The following PRKN variants were observed in gnomAD, a reference collection of about 807,000 sequenced individuals.
PRKN encodes parkin RBR E3 ubiquitin protein ligase.
Under a neutral mutation model 59.5 loss-of-function variants are expected in PRKN, and 56 were observed. The observed-to-expected ratio is 0.94, with a 90% CI of 0.76 to 1.18. The LOEUF is 1.18. PRKN is among the 50% of genes most tolerant of loss of function. The pLI is 0.00. For synonymous variants in PRKN, 250 were observed against 222.1 expected, an observed-to-expected ratio of 1.13 and a Z score of -1.12; for missense variants, 657 against 596.4, an observed-to-expected ratio of 1.10 and a Z score of -1.06.
At chr6:161,937,848 T>C (rs1269351441) in intron 6 of PRKN, among the ~76,000 whole-genome samples, 2 of 152,232 alleles carry the variant, frequency 1.3e-5, no homozygotes, top group Admixed American at 1.3e-4. Flanking sequence ...TTCTATCATG[T>C]ACAAGAATCT....
At chr6:162,564,616 T>C (rs934570956) in intron 1 of PRKN, among the ~76,000 whole-genome samples, 2 of 151,632 alleles carry the variant, frequency 1.3e-5, no homozygotes, top group African/African-American at 4.8e-5. Context: ...AGGAAAGAAA[T>C]AAATAACATA....
intron 7 of PRKN, among the ~76,000 whole-genome samples, chr6:161,694,401 A>G (rs1270755635): frequency 6.6e-6 from 1 of 152,202 alleles, no homozygotes; most frequent in African/African-American, 2.4e-5. Context: ...TACAATATAC[A>G]TAACGTAAAT....
chr6:161,737,425 C>T (rs2128190157), intron 7 of PRKN, among the ~76,000 whole-genome samples: 1 of 152,254 alleles, frequency 6.6e-6, no homozygotes, highest in South Asian at 2.1e-4. Context: ...TGAAAACTAT[C>T]TAAGGATATA....
chr6:162,604,354 T>A (rs1045473876), intron 1 of PRKN, among the ~76,000 whole-genome samples: 1 of 152,158 alleles, frequency 6.6e-6, no homozygotes, highest in African/African-American at 2.4e-5. Flanking sequence ...ATGAAAACCA[T>A]CCAAGTCAAA....
At position 161,372,665 on chromosome 6, in the gene PRKN, C is replaced by A. The variant is rs1443836778; in HGVS notation, c.1168-12460G>T. On this transcript the variant is annotated intron_variant, in intron 10 of 11. Transcript: ENST00000366898. The surrounding 1 kb of genome is among the most constrained non-coding windows in gnomAD (Gnocchi z 4.2). Reference sequence around the variant, plus strand: ...CGCTTGTGCTGTGGCTCCCCCACTACCCCTCTGGGTCTGAATCCATAGGTC... The same window carrying A: ...CGCTTGTGCTGTGGCTCCCCCACTAACCCTCTGGGTCTGAATCCATAGGTC... 6.6e-6 allele frequency among the ~76,000 whole-genome samples: 1 copy of A among 152,110 alleles called. No homozygotes were observed. Among genetic ancestry groups the A allele is most frequent in the Non-Finnish European group, 1.5e-5 (1 of 68,022 alleles).
At chr6:161,977,826 G>A (rs964184683) in intron 5 of PRKN, among the ~76,000 whole-genome samples, 40 of 151,828 alleles carry the variant, frequency 2.6e-4, no homozygotes, top group Non-Finnish European at 4.9e-4. Context: ...GGATTGTACA[G>A]GTGTGAGCCA....
rs1158896792 is a variant in PRKN at position 161,538,001 on chromosome 6, G to T, written c.1083+10853C>A. ...TGAACTCTGGTCAATAACCAACACG[G>T]CTTTGTGAAGAAAAATGTGATGTGT... is the stretch of plus-strand genomic sequence containing the variant. On this transcript the variant is annotated intron_variant, in intron 9 of 11. Coordinates refer to ENST00000366898, the MANE Select transcript of PRKN (RefSeq NM_004562.3). This position sits in a 1 kb window ranked among gnomAD's most constrained non-coding sequence, Gnocchi z 4.2. Among the ~76,000 whole-genome samples, 1 of 152,150 alleles carries T rather than the reference G, an allele frequency of 6.6e-6. No homozygotes were observed. Among genetic ancestry groups the T allele is most frequent in the Non-Finnish European group, 1.5e-5 (1 of 68,034 alleles).
chr6:161,876,539 C>G (rs1794738366), intron 6 of PRKN, among the ~76,000 whole-genome samples: 1 of 152,120 alleles, frequency 6.6e-6, no homozygotes, highest in Non-Finnish European at 1.5e-5. Context: ...TCTCAAACTC[C>G]TGAGCTCAAG....
Position 161,736,725 on chromosome 6 carries a change from T to C in PRKN, c.871+49047A>G, listed in dbSNP as rs141515140. ...ACTTCCCAGAGAATGTCATGTAAGA[T>C]ATACAACTTTCTGGGGGTACAAATT... On this transcript the variant is annotated intron_variant, in intron 7 of 11. Coordinates refer to ENST00000366898, the MANE Select transcript of PRKN (RefSeq NM_004562.3). Among the ~76,000 whole-genome samples the C allele has an allele frequency of 1.3e-4, 20 of 152,350 alleles. 1 individual carries two copies. The East Asian group carries it at 3.9e-3, about 29-fold the overall frequency.
rs1310441498 is a variant in PRKN, at chr6:162,009,712, G to T, written c.619-36295C>A. ...GCACTTTGGGAAGCTGAGGCAGGTA[G>T]ATCACTTGAAGTCAGGAGTGTGAAA... On this transcript the variant is annotated intron_variant, in intron 5 of 11. Coordinates refer to ENST00000366898, the MANE Select transcript of PRKN (RefSeq NM_004562.3). Among the ~76,000 whole-genome samples, 4 of 151,760 alleles carry T rather than the reference G, an allele frequency of 2.6e-5. 1 individual carries two copies. Among genetic ancestry groups the T allele is most frequent in the African/African-American group, 9.7e-5 (4 of 41,164 alleles).
Position 161,716,023 on chromosome 6 carries a change from A to G in PRKN, c.871+69749T>C, listed in dbSNP as rs74700824. The G allele has an allele frequency of 1.6e-3, 1,603 of 998,526 alleles. 23 individuals carry two copies. In the African/African-American group the frequency reaches 0.026, roughly 16 times the overall value. 61.9% of individuals were successfully genotyped at this position (998,526 alleles called of 1,614,324 possible). A position where few individuals can be genotyped will look rare whatever the true frequency, so the allele number is the denominator to read the frequency against. On this transcript the variant is annotated intron_variant, in intron 7 of 11. Coordinates refer to ENST00000366898, the MANE Select transcript of PRKN (RefSeq NM_004562.3). ...TATATTTAACAAGCTCTTCTGGGGA[A>G]TTGGATCTGGTTTAGCGACACAGCC...
At chr6:161,913,339 T>A (rs925781514) in intron 6 of PRKN, among the ~76,000 whole-genome samples, 1 of 151,922 alleles carries the variant, frequency 6.6e-6, no homozygotes, top group Non-Finnish European at 1.5e-5. Flanking sequence ...TATGTGTAAA[T>A]AAGAAAAAAG....
intron 1 of PRKN, among the ~76,000 whole-genome samples, chr6:162,694,561 G>C (rs969631701): frequency 6.6e-6 from 1 of 152,142 alleles, no homozygotes; most frequent in Non-Finnish European, 1.5e-5. Context: ...CACTCCCAAA[G>C]AGACATCACA....
intron 1 of PRKN, among the ~76,000 whole-genome samples, chr6:162,633,632 T>C (rs1371401448): frequency 1.3e-5 from 2 of 152,030 alleles, no homozygotes; most frequent in African/African-American, 2.4e-5. Context: ...TGCCTGAGTT[T>C]TGTCCCACTT....
intron 3 of PRKN, among the ~76,000 whole-genome samples, chr6:162,242,225 C>T (rs763779088): frequency 6.6e-6 from 1 of 152,074 alleles, no homozygotes; most frequent in Non-Finnish European, 1.5e-5. Flanking sequence ...CCTCATTTCA[C>T]TGTTGTATGT....
chr6:162,563,722 CAG>C (rs1262434140), intron 1 of PRKN, among the ~76,000 whole-genome samples: 12 of 152,134 alleles, frequency 7.9e-5, no homozygotes, highest in Non-Finnish European at 4.4e-5. Context: ...ACCTTTCAGA[CAG>C]AGAATTCAAA....
chr6:162,133,306 C>G (rs904685731), intron 4 of PRKN, among the ~76,000 whole-genome samples: 1 of 152,126 alleles, frequency 6.6e-6, no homozygotes, highest in Non-Finnish European at 1.5e-5. Context: ...CTGGAGGTAG[C>G]GTCAGCAACG....
intron 7 of PRKN, among the ~76,000 whole-genome samples, chr6:161,641,849 C>A (rs1457759613): frequency 2.0e-5 from 3 of 152,222 alleles, no homozygotes; most frequent in African/African-American, 7.2e-5. Context: ...TAGTACCATT[C>A]CTGTAAATTC....
chr6:162,634,839 G>T (rs137934612), intron 1 of PRKN, among the ~76,000 whole-genome samples: 2,688 of 152,204 alleles, frequency 0.018, 68 homozygotes, highest in African/African-American at 0.062. Flanking sequence ...GGCCAGCATG[G>T]TCTCGATCTC....
Sources: allele counts gnomAD v4.1 joint callset (sites outside exome capture counted in the v4.1 genomes callset), GRCh38; gene constraint gnomAD v4.1.1; non-coding constraint Gnocchi (gnomAD v3.1); transcripts MANE v1.5; gene names NCBI Gene and HGNC (gene_info 2026-07-23, HGNC 2026-07-21).